GRAMD1C: variants seen among roughly 807,000 people sequenced by gnomAD.
GRAMD1C encodes the protein protein Aster-C.
In GRAMD1C, 89 loss-of-function variants were observed where a neutral mutation model predicts 97.8. The ratio of observed to expected loss-of-function variants is 0.91; its 90% CI spans 0.77 to 1.09. The LOEUF is 1.09. Ranked by LOEUF, GRAMD1C falls within the 50% of genes least tolerant of loss-of-function variation. The pLI is 0.00. For missense variants in GRAMD1C, 740 were observed against 766.4 expected (o/e 0.97, Z 0.41); for synonymous variants, 256 against 267.0 (o/e 0.96, Z 0.40).
intron 10 of GRAMD1C, among the ~76,000 whole-genome samples, chr3:113,921,348 C>A (rs184584226): frequency 6.6e-6 from 1 of 152,104 alleles, no homozygotes; most frequent in African/African-American, 2.4e-5. Context: ...TCTTTACTAT[C>A]GTGAATAGTG....
At chr3:113,850,811 A>AT (rs1277399403) in intron 2 of GRAMD1C, 36 of 653,226 alleles carry the variant, frequency 5.5e-5, no homozygotes, top group Admixed American at 1.2e-4. Context: ...TTTAATTTTT[A>AT]TTTTTTTTGA....
intron 8 of GRAMD1C, among the ~76,000 whole-genome samples, chr3:113,906,614 T>C (rs1936382650): frequency 6.6e-6 from 1 of 152,118 alleles, no homozygotes; most frequent in South Asian, 2.1e-4. Context: ...AATAAAAATG[T>C]TACAGTAAGC....
rs1355602852 is a variant in GRAMD1C, at chr3:113,915,733, CTT to C, written c.989_990del (p.Phe330TyrfsTer10). Reference sequence around the variant, plus strand: ...TCCTGAGAAAGATCTTCATGGAAGACTTTTTATCAACCGTATTTTTCATATCA... The same window carrying C: ...TCCTGAGAAAGATCTTCATGGAAGACTTTATCAACCGTATTTTTCATATCA... ...NVPEKDLHGR[L>X]FINRIFHISA... is the part of the protein sequence containing the mutation. On this transcript the variant is annotated frameshift_variant, in exon 10 of 18. Transcript: ENST00000358160. LOFTEE classifies it high-confidence loss of function. 6.2e-7 allele frequency: 1 copy of C among 1,609,854 alleles called. No individual in the cohort carries two copies. The highest frequency in any genetic ancestry group is 1.1e-5 in the South Asian group (1 of 90,768).
At position 113,915,720 on chromosome 3, in the gene GRAMD1C, T is replaced by A; in HGVS notation, c.972T>A (p.Asp324Glu). 2 of 1,608,760 alleles carry A rather than the reference T, an allele frequency of 1.2e-6. No homozygotes were observed. Among genetic ancestry groups the A allele is most frequent in the South Asian group, 1.1e-5 (1 of 90,256 alleles). Residue 324 changes from aspartate (D) to glutamate (E), a missense_variant, in exon 10 of 18, where the codon GAT becomes GAA. Physicochemically the swap from Asp to Glu is conservative, Grantham distance 45. Transcript: ENST00000358160. Reference protein sequence around the residue: ...SVDEENVPEKDLHGRLFINRI... With the variant: ...SVDEENVPEKELHGRLFINRI... ...TTCCAGAAAATGTTCCTGAGAAAGATCTTCATGGAAGACTTTTTATCAACC... is the reference window on the plus strand; with the variant it reads ...TTCCAGAAAATGTTCCTGAGAAAGAACTTCATGGAAGACTTTTTATCAACC...
At chr3:113,887,107 T>TTC (rs1935533846) in intron 6 of GRAMD1C, among the ~76,000 whole-genome samples, 2 of 143,774 alleles carry the variant, frequency 1.4e-5, no homozygotes, top group African/African-American at 5.2e-5. Context: ...TTTTTTTTTT[T>TTC]TTTTGAGATA....
upstream of GRAMD1C, among the ~76,000 whole-genome samples, chr3:113,834,828 T>G (rs1159250705): frequency 1.3e-5 from 2 of 150,562 alleles, no homozygotes; most frequent in African/African-American, 4.9e-5. Flanking sequence ...TTATCCCAGC[T>G]ACTCCAGAGG....
At chr3:113,858,827 A>G (rs1934258169) in intron 2 of GRAMD1C, among the ~76,000 whole-genome samples, 1 of 151,926 alleles carries the variant, frequency 6.6e-6, no homozygotes, top group Non-Finnish European at 1.5e-5. Flanking sequence ...CCAAAGTGCT[A>G]AGATTACAGG....
rs115428841 is a variant in GRAMD1C, at chr3:113,890,657, A to G, written c.540+7825A>G. On this transcript the variant is annotated intron_variant, in intron 6 of 17. Coordinates refer to ENST00000358160, the MANE Select transcript of GRAMD1C (RefSeq NM_017577.5). ...TGAGTGCTCAGAATCCGTGAGGTGC[A>G]TTCTCTCATTCTAGCAAGGCACCAG... is the stretch of plus-strand genomic sequence containing the variant. The G allele has an allele frequency of 1.8e-3, 1,186 of 665,484 alleles. 6 individuals are homozygous for G. In the African/African-American group the frequency reaches 0.018, roughly 10 times the overall value. 41.2% of individuals were successfully genotyped at this position (665,484 alleles called of 1,614,324 possible).
At chr3:113,836,264 A>G (rs1339321302), upstream of GRAMD1C, among the ~76,000 whole-genome samples, 2 of 152,184 alleles carry the variant, frequency 1.3e-5, no homozygotes, top group African/African-American at 4.8e-5. Flanking sequence ...ACTCTGTCTC[A>G]AAAAAACAAA....
At chr3:113,873,743 T>G (rs1305517414) in intron 3 of GRAMD1C, among the ~76,000 whole-genome samples, 1 of 152,170 alleles carries the variant, frequency 6.6e-6, no homozygotes, top group South Asian at 2.1e-4. Context: ...GGTCTCAAAC[T>G]CCTGACCTCA....
At chr3:113,852,786 C>A (rs1933965920) in intron 2 of GRAMD1C, among the ~76,000 whole-genome samples, 1 of 152,288 alleles carries the variant, frequency 6.6e-6, no homozygotes, top group Middle Eastern at 3.4e-3. Context: ...TAAAGCCTGA[C>A]TCCCATACCC....
intron 2 of GRAMD1C, among the ~76,000 whole-genome samples, chr3:113,864,830 T>C (rs1934523679): frequency 6.6e-6 from 1 of 152,206 alleles, no homozygotes; most frequent in African/African-American, 2.4e-5. Flanking sequence ...CTAGGCTTTT[T>C]CTAGCCTGCT....
At chr3:113,846,155 A>G in intron 2 of GRAMD1C, among the ~76,000 whole-genome samples, 1 of 151,692 alleles carries the variant, frequency 6.6e-6, no homozygotes, top group South Asian at 2.1e-4. Flanking sequence ...CACCCAGGCC[A>G]GAGTACAATG....
chr3:113,920,165 G>T, intron 10 of GRAMD1C: 2 of 1,405,426 alleles, frequency 1.4e-6, no homozygotes, highest in South Asian at 2.4e-5. Context: ...TGAATCTCCA[G>T]AATCACAGGC....
chr3:113,933,328 G>A (rs779932825), intron 11 of GRAMD1C, among the ~76,000 whole-genome samples, 183 bp from the exon 12 acceptor site: 10 of 152,128 alleles, frequency 6.6e-5, no homozygotes, highest in Admixed American at 1.3e-4. Flanking sequence ...CGCCATACCC[G>A]GCCCTCTTTT....
intron 13 of GRAMD1C, among the ~76,000 whole-genome samples, chr3:113,935,915 A>C (rs1199308143): frequency 6.6e-6 from 1 of 152,242 alleles, no homozygotes; most frequent in Non-Finnish European, 1.5e-5. Context: ...AAGGTTGAGA[A>C]GTACCATAAT....
intron 6 of GRAMD1C, among the ~76,000 whole-genome samples, chr3:113,883,117 G>T (rs1232905592): frequency 6.6e-6 from 1 of 152,084 alleles, no homozygotes; most frequent in Non-Finnish European, 1.5e-5. Context: ...AGTAATGGTG[G>T]CACACAGGGA....
chr3:113,919,775 C>T, intron 10 of GRAMD1C: 1 of 598,904 alleles, frequency 1.7e-6, no homozygotes, highest in Non-Finnish European at 3.1e-6. Flanking sequence ...GTCAAAGTAT[C>T]ATTTAAAGCA....
chr3:113,843,049 G>GTTTTTTTTTTT (rs71144092), intron 1 of GRAMD1C, among the ~76,000 whole-genome samples: 64 of 53,422 alleles, frequency 1.2e-3, no homozygotes, highest in Non-Finnish European at 1.4e-3. Flanking sequence ...ACCATAAGCT[G>GTTTTTTTTTTT]TTTTTTTTTT....
Sources: allele counts gnomAD v4.1 joint callset (sites outside exome capture counted in the v4.1 genomes callset), GRCh38; gene constraint gnomAD v4.1.1; transcripts MANE v1.5; gene names NCBI Gene and HGNC (gene_info 2026-07-23, HGNC 2026-07-21).